DAGLA: variants seen among roughly 807,000 people sequenced by gnomAD.
DAGLA encodes the protein diacylglycerol lipase alpha.
DAGLA carries 22 observed loss-of-function variants against 102.6 expected under a neutral mutation model. That is an observed-to-expected ratio of 0.21 (90% CI 0.15 to 0.31). The LOEUF (loss-of-function observed/expected upper bound fraction) is 0.31. Among genes scored for constraint, DAGLA ranks in the 10% least tolerant of loss-of-function variants. The pLI is 1.00. For missense variants in DAGLA, 927 were observed against 1,446.6 expected (o/e 0.64, Z 5.83); for synonymous variants, 578 against 628.9 (o/e 0.92, Z 1.21).
rs1473008160 is a variant in DAGLA at position 61,723,557 on chromosome 11, G to A, written c.533G>A (p.Arg178Gln). The change falls in exon 5 of 20, where the codon CGG becomes CAG. Residue 178 changes from arginine to glutamine, a missense_variant. Coordinates refer to ENST00000257215, the MANE Select transcript of DAGLA (RefSeq NM_006133.3). ...ACCAAGAGGAGGCAGCGTAACCTGC[G>A]GACCTACAACCTGCGGTCAGTCAGC... is the stretch of plus-strand genomic sequence containing the variant. ...RATKRRQRNL[R>Q]TYNLRHRLEE... is the part of the protein sequence containing the mutation. 2.5e-6 allele frequency: 4 copies of A among 1,613,802 alleles called. No homozygotes were observed. Among genetic ancestry groups the A allele is most frequent in the South Asian group, 1.1e-5 (1 of 91,060 alleles).
chr11:61,710,248 G>T (rs1185361381), intron 1 of DAGLA, among the ~76,000 whole-genome samples: 1 of 151,908 alleles, frequency 6.6e-6, no homozygotes, highest in African/African-American at 2.4e-5. Flanking sequence ...GCCATCTGGG[G>T]AGTGAGGTCC....
Position 61,740,449 on chromosome 11 carries a change from C to A in DAGLA, c.1854-14C>A. On this transcript the variant is annotated splice_polypyrimidine_tract_variant and intron_variant, in intron 17 of 19. Coordinates refer to ENST00000257215, the MANE Select transcript of DAGLA (RefSeq NM_006133.3). ...ACCCCACCCTTAACTCCCCTCTGTCCATGTCCCTCTCAGCTGCTGTGAGCA... is the reference window on the plus strand; with the variant it reads ...ACCCCACCCTTAACTCCCCTCTGTCAATGTCCCTCTCAGCTGCTGTGAGCA... 6.2e-7 allele frequency: 1 copy of A among 1,612,768 alleles called. No homozygotes were observed. The highest frequency in any genetic ancestry group is 2.2e-5 in the East Asian group (1 of 44,866).
intron 17 of DAGLA, 35 bp downstream of exon 17, chr11:61,739,696 A>G: frequency 6.2e-7 from 1 of 1,602,588 alleles, no homozygotes; most frequent in Non-Finnish European, 8.5e-7. Context: ...TGCAGGGGGT[A>G]GTGGCCAGGG....
At chr11:61,738,008 T>C in intron 15 of DAGLA, 127 bp from the exon 16 acceptor site, 1 of 769,370 alleles carries the variant, frequency 1.3e-6, no homozygotes. Flanking sequence ...CTCCACCCCG[T>C]GACCCTGGCT....
chr11:61,695,873 G>C (rs925942678), intron 1 of DAGLA, among the ~76,000 whole-genome samples: 1 of 152,154 alleles, frequency 6.6e-6, no homozygotes. Flanking sequence ...GCATCCCTGC[G>C]TGCCCCGGTG....
intron 1 of DAGLA, among the ~76,000 whole-genome samples, chr11:61,700,164 G>A (rs1286298964): frequency 6.6e-6 from 1 of 152,244 alleles, no homozygotes; most frequent in Non-Finnish European, 1.5e-5. Context: ...GGCCCCCAGA[G>A]CCCTCCTGTT....
intron 19 of DAGLA, among the ~76,000 whole-genome samples, 161 bp downstream of exon 19, chr11:61,741,510 C>G (rs1214496291): frequency 6.6e-6 from 1 of 152,184 alleles, no homozygotes; most frequent in African/African-American, 2.4e-5. Flanking sequence ...TCTTGCTGTG[C>G]TCCAGCTGTC....
chr11:61,729,888 C>G (rs561387191), intron 8 of DAGLA, among the ~76,000 whole-genome samples: 1 of 149,892 alleles, frequency 6.7e-6, no homozygotes, highest in Admixed American at 6.7e-5. Context: ...GCCTGGGCAA[C>G]ATAGTGAGAC....
At chr11:61,681,560 C>T (rs1239149171) in intron 1 of DAGLA, among the ~76,000 whole-genome samples, 1 of 152,090 alleles carries the variant, frequency 6.6e-6, no homozygotes, top group Non-Finnish European at 1.5e-5. Flanking sequence ...CCTGCCTTCT[C>T]CCTGGGTTGA....
chr11:61,704,825 G>A (rs779323786), intron 1 of DAGLA, among the ~76,000 whole-genome samples: 11 of 152,140 alleles, frequency 7.2e-5, no homozygotes, highest in African/African-American at 1.7e-4. Flanking sequence ...GCTCCTCTGC[G>A]TAGTCCTATT....
Position 61,731,300 on chromosome 11 carries a change from T to C in DAGLA, c.850-17T>C. Reference sequence around the variant, plus strand: ...GGAAGGGCAGGAGGTGACCGCCCTCTGCCTCCTCTCTTCTAGCAAGAGATG... The same window carrying C: ...GGAAGGGCAGGAGGTGACCGCCCTCCGCCTCCTCTCTTCTAGCAAGAGATG... On this transcript the variant is annotated splice_polypyrimidine_tract_variant and intron_variant, in intron 8 of 19. Transcript: ENST00000257215. 1 of 1,613,018 alleles carries C rather than the reference T, an allele frequency of 6.2e-7. No individual in the cohort carries two copies. The highest frequency in any genetic ancestry group is 1.1e-5 in the South Asian group (1 of 91,048).
intron 1 of DAGLA, among the ~76,000 whole-genome samples, chr11:61,687,576 G>A (rs761560796): frequency 6.6e-5 from 10 of 152,138 alleles, no homozygotes; most frequent in Admixed American, 3.3e-4. Flanking sequence ...TGATCCACCC[G>A]CCTCGCTCGG....
intron 1 of DAGLA, among the ~76,000 whole-genome samples, chr11:61,701,448 C>T (rs1591029721): frequency 6.6e-6 from 1 of 152,218 alleles, no homozygotes. Flanking sequence ...CAGGCACCTG[C>T]TGTCTTCCTC....
rs971638482 is a variant in DAGLA, at chr11:61,702,719, C to T, written c.-44-17393C>T. Among the ~76,000 whole-genome samples, 3 of 152,330 alleles carry T rather than the reference C, an allele frequency of 2.0e-5. No homozygotes were observed. In the East Asian group the frequency reaches 5.8e-4, roughly 29 times the overall value. Reference sequence around the variant, plus strand: ...CTTTCTGTGCTCTTTCCTGGAGGTGCGCCCTCCCTCCCACAGGATGCTGTA... The same window carrying T: ...CTTTCTGTGCTCTTTCCTGGAGGTGTGCCCTCCCTCCCACAGGATGCTGTA... On this transcript the variant is annotated intron_variant, in intron 1 of 19. Transcript: ENST00000257215.
intron 9 of DAGLA, among the ~76,000 whole-genome samples, chr11:61,731,792 C>T (rs1316755468): frequency 1.3e-5 from 2 of 152,136 alleles, no homozygotes; most frequent in African/African-American, 2.4e-5. Flanking sequence ...CACACTGCTG[C>T]CTCCCCTCCC....
intron 1 of DAGLA, among the ~76,000 whole-genome samples, chr11:61,698,688 G>C (rs1384741768): frequency 6.6e-6 from 1 of 152,192 alleles, no homozygotes; most frequent in Non-Finnish European, 1.5e-5. Context: ...GAGCTGGCCC[G>C]GGGGCCTTGT....
At position 61,736,293 on chromosome 11, in the gene DAGLA, C is replaced by T; in HGVS notation, c.1314C>T (p.Tyr438=). 6.2e-7 allele frequency: 1 copy of T among 1,614,158 alleles called. No homozygotes were observed. Among genetic ancestry groups the T allele is most frequent in the African/African-American group, 1.3e-5 (1 of 75,046 alleles). Residue 438 remains tyrosine, a synonymous_variant, in exon 13 of 20, where the codon TAC becomes TAT. Transcript: ENST00000257215. ...AGGGTATGGTCCTCTCAGCTGAGTACATCAAGAAGAAACTGGAGCAGGAGA... is the reference window on the plus strand; with the variant it reads ...AGGGTATGGTCCTCTCAGCTGAGTATATCAAGAAGAAACTGGAGCAGGAGA... The part of the protein sequence containing the change: ...GHKGMVLSAE[Y]IKKKLEQEMV...
chr11:61,720,047 G>A, intron 1 of DAGLA, 65 bp from the exon 2 acceptor site: 1 of 1,130,826 alleles, frequency 8.8e-7, no homozygotes, highest in Admixed American at 1.9e-5. Context: ...GTGGCCCAAG[G>A]AATGCAGTGG....
chr11:61,694,415 A>G (rs1380881045), intron 1 of DAGLA, among the ~76,000 whole-genome samples: 4 of 152,202 alleles, frequency 2.6e-5, no homozygotes, highest in African/African-American at 9.6e-5. Context: ...CCAGGCTTCC[A>G]TGCTGTGGCA....
Sources: gnomAD v4.1 joint callset for allele counts (sites outside exome capture counted in the v4.1 genomes callset) on GRCh38, gnomAD v4.1.1 for gene constraint, MANE v1.5 for transcripts, NCBI Gene and HGNC (gene_info 2026-07-23, HGNC 2026-07-21) for gene names.